The following PCGF5 variants were observed in gnomAD, a reference collection of about 807,000 sequenced individuals.
PCGF5 encodes the protein polycomb group RING finger protein 5.
Under a neutral mutation model 44.3 loss-of-function variants are expected in PCGF5, and 9 were observed. The ratio of observed to expected loss-of-function variants is 0.20; its 90% CI spans 0.12 to 0.35. The LOEUF is 0.35. Ranked by LOEUF, PCGF5 falls within the 10% of genes least tolerant of loss-of-function variation. PCGF5 has a pLI of 1.00. For missense variants in PCGF5, 146 were observed against 305.3 expected, an observed-to-expected ratio of 0.48 and a Z score of 3.89; for synonymous variants, 95 against 102.5, an observed-to-expected ratio of 0.93 and a Z score of 0.44.
intron 1 of PCGF5, among the ~76,000 whole-genome samples, chr10:91,173,519 C>G (rs1589348694): frequency 6.8e-6 from 1 of 146,494 alleles, no homozygotes; most frequent in East Asian, 2.0e-4. Context: ...AGAAATAGAC[C>G]AATTTAATTT....
chr10:91,208,568 A>G (rs556152992), intron 1 of PCGF5, among the ~76,000 whole-genome samples: 1 of 152,292 alleles, frequency 6.6e-6, no homozygotes, highest in South Asian at 2.1e-4. Context: ...GAGCCAAAAC[A>G]CATTGCTCTC....
At chr10:91,230,537 TATA>T (rs1455583229) in intron 2 of PCGF5, among the ~76,000 whole-genome samples, 1 of 152,178 alleles carries the variant, frequency 6.6e-6, no homozygotes, top group Non-Finnish European at 1.5e-5. Context: ...TATATGAATA[TATA>T]ATGTCAGAAC....
intron 1 of PCGF5, among the ~76,000 whole-genome samples, chr10:91,168,929 GAAAAAAAAAAA>G (rs57345364): frequency 3.9e-4 from 22 of 56,202 alleles, no homozygotes; most frequent in South Asian, 9.3e-4. Context: ...CTCCGTCTCA[GAAAAAAAAAAA>G]AAAAAAAAAA....
chr10:91,212,913 T>C lies in PCGF5; in HGVS notation c.-183-9776T>C, dbSNP rs546076661. Among the ~76,000 whole-genome samples, 10 of 152,334 alleles carry C rather than the reference T, an allele frequency of 6.6e-5. No homozygotes were observed. In the East Asian group the frequency reaches 1.9e-3, roughly 29 times the overall value. On this transcript the variant is annotated intron_variant, in intron 1 of 9. Transcript: ENST00000614189. ...TTGTGCTTCAGACTCATCTTCATGG[T>C]AGAAACTATGAAAAATTGTACAGCA...
At chr10:91,176,777 C>T (rs1312358117) in intron 1 of PCGF5, among the ~76,000 whole-genome samples, 1 of 152,216 alleles carries the variant, frequency 6.6e-6, no homozygotes, top group Non-Finnish European at 1.5e-5. Flanking sequence ...AAGGACTTCT[C>T]TGCATTGGTT....
At chr10:91,168,492 T>A (rs1843540536) in intron 1 of PCGF5, among the ~76,000 whole-genome samples, 1 of 152,062 alleles carries the variant, frequency 6.6e-6, no homozygotes, top group South Asian at 2.1e-4. Context: ...TGGGGACAAG[T>A]CCGCTAGTTA....
intron 3 of PCGF5, among the ~76,000 whole-genome samples, chr10:91,244,104 A>G (rs1002901178): frequency 3.9e-5 from 6 of 152,224 alleles, no homozygotes; most frequent in Admixed American, 3.3e-4. Context: ...ATAATAAGTA[A>G]TTTATATGGT....
At chr10:91,277,441 A>G (rs1184903754) in intron 9 of PCGF5, among the ~76,000 whole-genome samples, 2 of 152,222 alleles carry the variant, frequency 1.3e-5, no homozygotes, top group Non-Finnish European at 2.9e-5. Context: ...GAAAAGGAAA[A>G]CCACTGATGT....
At chr10:91,158,551 G>A (rs181287710), upstream of PCGF5, among the ~76,000 whole-genome samples, 1 of 152,304 alleles carries the variant, frequency 6.6e-6, no homozygotes, top group African/African-American at 2.4e-5. Context: ...TAAAAGGCAA[G>A]TAAGTTGTGG....
chr10:91,244,365 G>A (rs913838515), intron 3 of PCGF5, among the ~76,000 whole-genome samples: 30 of 152,120 alleles, frequency 2.0e-4, no homozygotes, highest in South Asian at 4.1e-4. Context: ...GTGTATCTAC[G>A]CCTTGTTGGA....
At chr10:91,206,047 A>G (rs1196352053) in intron 1 of PCGF5, among the ~76,000 whole-genome samples, 2 of 152,202 alleles carry the variant, frequency 1.3e-5, no homozygotes, top group African/African-American at 2.4e-5. Flanking sequence ...ACTAAAAGAC[A>G]TGGTATACCA....
intron 1 of PCGF5, among the ~76,000 whole-genome samples, chr10:91,206,691 G>C (rs1162350134): frequency 6.6e-6 from 1 of 152,142 alleles, no homozygotes; most frequent in African/African-American, 2.4e-5. Context: ...AACAGCCTGT[G>C]GGGGACTGCA....
chr10:91,185,529 G>A (rs537256529), intron 1 of PCGF5, among the ~76,000 whole-genome samples: 1 of 152,356 alleles, frequency 6.6e-6, no homozygotes, highest in Non-Finnish European at 1.5e-5. Context: ...GAGCCCCATG[G>A]ATTCAACCTC....
intron 1 of PCGF5, among the ~76,000 whole-genome samples, chr10:91,207,029 T>G (rs1844360351): frequency 6.6e-6 from 1 of 152,204 alleles, no homozygotes; most frequent in Non-Finnish European, 1.5e-5. Context: ...AACAGGGGCT[T>G]TGTCTGGTTC....
chr10:91,200,047 G>C (rs1405349890), intron 1 of PCGF5, among the ~76,000 whole-genome samples: 1 of 152,218 alleles, frequency 6.6e-6, no homozygotes. Flanking sequence ...CCAAAGGACA[G>C]GGAAATTGGG....
In PCGF5 at chr10:91,282,135, G is replaced by A. The variant is rs1317355281; in HGVS notation, c.*3819G>A. On this transcript the variant is annotated 3_prime_UTR_variant, in exon 10 of 10. Transcript: ENST00000336126. Reference sequence around the variant, plus strand: ...CATTCTATGGGATTTATATAAGTAAGTGCTTTCTCTATATTCAAAATATTT... The same window carrying A: ...CATTCTATGGGATTTATATAAGTAAATGCTTTCTCTATATTCAAAATATTT... The A allele has an allele frequency of 6.6e-6, 1 of 152,164 alleles. No homozygotes were observed. The highest frequency in any genetic ancestry group is 2.4e-5 in the African/African-American group (1 of 41,424). The allele number at this position is 152,164 out of a possible 1,614,324, so 9.4% of individuals were successfully genotyped here. A position where few individuals can be genotyped will look rare whatever the true frequency, so the allele number is the denominator to read the frequency against.
intron 8 of PCGF5, among the ~76,000 whole-genome samples, chr10:91,268,488 G>T (rs73312470): frequency 2.0e-5 from 3 of 151,954 alleles, no homozygotes; most frequent in Non-Finnish European, 4.4e-5. Flanking sequence ...GCATCTTTGC[G>T]GGTTTTTTAT....
intron 1 of PCGF5, among the ~76,000 whole-genome samples, chr10:91,194,830 T>C (rs1844098463): frequency 6.6e-6 from 1 of 152,148 alleles, no homozygotes; most frequent in Non-Finnish European, 1.5e-5. Flanking sequence ...ATTAAGGATA[T>C]GTTTGTGTGC....
At chr10:91,189,290 C>T (rs1178449406) in intron 1 of PCGF5, among the ~76,000 whole-genome samples, 1 of 152,192 alleles carries the variant, frequency 6.6e-6, no homozygotes, top group Non-Finnish European at 1.5e-5. Flanking sequence ...TGTTCTGTCC[C>T]CATTTTTCCA....
Sources: allele counts gnomAD v4.1 joint callset (sites outside exome capture counted in the v4.1 genomes callset), GRCh38; gene constraint gnomAD v4.1.1; transcripts MANE v1.5; gene names NCBI Gene and HGNC (gene_info 2026-07-23, HGNC 2026-07-21).